MMP28: variants seen among roughly 807,000 people sequenced by gnomAD.
MMP28 encodes matrix metalloproteinase-28.
Under a neutral mutation model 60.5 loss-of-function variants are expected in MMP28, and 55 were observed. The ratio of observed to expected loss-of-function variants is 0.91; its 90% confidence interval spans 0.73 to 1.14. The LOEUF (loss-of-function observed/expected upper bound fraction) is 1.14, where lower values mean the gene tolerates loss of function less well. Ranked by LOEUF, MMP28 falls within the 50% of genes most tolerant of loss-of-function variation. The pLI is 0.00. For synonymous variants in MMP28, 318 were observed against 312.5 expected, an observed-to-expected ratio of 1.02 and a Z score of -0.18; for missense variants, 686 against 738.3, an observed-to-expected ratio of 0.93 and a Z score of 0.82.
chr17:35,769,064 C>T (rs1555604534), intron 5 of MMP28, among the ~76,000 whole-genome samples: 1 of 152,174 alleles, frequency 6.6e-6, no homozygotes, highest in Non-Finnish European at 1.5e-5. Context: ...CATCACTATC[C>T]TTCACTTATG....
intron 1 of MMP28, among the ~76,000 whole-genome samples, chr17:35,786,420 A>T (rs1555610505): frequency 6.6e-6 from 1 of 152,128 alleles, no homozygotes; most frequent in African/African-American, 2.4e-5. Flanking sequence ...TGAAATTAAG[A>T]ATTTAAAAAT....
chr17:35,763,897 A>AAAT, downstream of MMP28: 5 of 653,688 alleles, frequency 7.6e-6, no homozygotes, highest in East Asian at 8.9e-5. Context: ...ACCCTGTCTC[A>AAAT]AAATAAATAA....
chr17:35,787,536 G>A (rs918568091), intron 1 of MMP28, among the ~76,000 whole-genome samples: 1 of 152,100 alleles, frequency 6.6e-6, no homozygotes, highest in Non-Finnish European at 1.5e-5. Flanking sequence ...TGTTGCCCAG[G>A]CTGGAGTGCA....
At chr17:35,763,579 C>A (rs188506441), downstream of MMP28, among the ~76,000 whole-genome samples, 14 of 151,466 alleles carry the variant, frequency 9.2e-5, no homozygotes, top group Non-Finnish European at 1.6e-4. Flanking sequence ...AGCCACCATG[C>A]CTGGACTTAA....
chr17:35,791,130 A>G (rs1472456793), intron 1 of MMP28, among the ~76,000 whole-genome samples: 1 of 151,692 alleles, frequency 6.6e-6, no homozygotes, highest in Non-Finnish European at 1.5e-5. Context: ...TTTAAAGTCC[A>G]ACTTATGGCC....
downstream of MMP28, among the ~76,000 whole-genome samples, chr17:35,761,742 T>C (rs2085824993): frequency 6.6e-6 from 1 of 152,182 alleles, no homozygotes; most frequent in South Asian, 2.1e-4. Context: ...TCTACAAGAA[T>C]GTTCAGCGGC....
chr17:35,765,893 G>T lies in MMP28; in HGVS notation c.*607C>A. On this transcript the variant is annotated 3_prime_UTR_variant, in exon 8 of 8. Coordinates refer to ENST00000605424, the MANE Select transcript of MMP28 (RefSeq NM_024302.5). ...CTGCCTCTCGGCCCACCAGCTGAAG[G>T]CACCTCTTTATTCCAGCCCCAGACA... 1 of 985,426 alleles carries T rather than the reference G, an allele frequency of 1.0e-6. No homozygotes were observed. The highest frequency in any genetic ancestry group is 1.2e-6 in the Non-Finnish European group (1 of 829,934). The allele number at this position is 985,426 out of a possible 1,614,324, so 61.0% of individuals were successfully genotyped here.
intron 4 of MMP28, 73 bp downstream of exon 4, chr17:35,773,107 T>C: frequency 7.1e-7 from 1 of 1,413,694 alleles, no homozygotes; most frequent in Non-Finnish European, 9.7e-7. Context: ...GAATGCTTCA[T>C]TGCCACCCCC....
Position 35,787,277 on chromosome 17 carries a change from G to A in MMP28, c.112-7954C>T, listed in dbSNP as rs191542765. ...GTCGTCTAACAGGCCAGAGGCATTC[G>A]ACAGGACTGAAGCATGTTCCTGCGT... On this transcript the variant is annotated intron_variant, in intron 1 of 7. Coordinates refer to ENST00000605424, the MANE Select transcript of MMP28 (RefSeq NM_024302.5). 2.2e-4 allele frequency among the ~76,000 whole-genome samples: 33 copies of A among 152,300 alleles called. No homozygotes were observed. The East Asian group carries it at 5.4e-3, about 25-fold the overall frequency.
chr17:35,764,351 C>T (rs1555602252), downstream of MMP28: 5 of 1,457,368 alleles, frequency 3.4e-6, no homozygotes, highest in South Asian at 5.7e-5. Flanking sequence ...TCGACCGGGG[C>T]ACGAGGGAGG....
intron 3 of MMP28, among the ~76,000 whole-genome samples, chr17:35,774,371 A>G (rs117940183): frequency 0.98 from 149,463 of 152,256 alleles, 73,362 homozygotes; most frequent in East Asian, 1. Context: ...TGGGCCAAGG[A>G]TGTGGTAACT....
chr17:35,757,311 T>G (rs929546986), intron 2 of MMP28: 18 of 152,046 alleles, frequency 1.2e-4, no homozygotes, highest in African/African-American at 3.4e-4. Context: ...TTGCCATAAG[T>G]TGGTTTAGGA....
intron 1 of MMP28, among the ~76,000 whole-genome samples, chr17:35,781,983 T>C (rs1231146764): frequency 1.3e-5 from 2 of 151,920 alleles, no homozygotes; most frequent in African/African-American, 2.4e-5. Context: ...GTGACCCTCC[T>C]ATAGCCTCTT....
Position 35,766,122 on chromosome 17 carries a change from TC to T in MMP28, c.*377del, listed in dbSNP as rs1387432839. The T allele has an allele frequency of 9.8e-7, 1 of 1,017,722 alleles. No homozygotes were observed. Among genetic ancestry groups the T allele is most frequent in the African/African-American group, 1.7e-5 (1 of 58,398 alleles). The allele number at this position is 1,017,722 out of a possible 1,614,324, so 63.0% of individuals were successfully genotyped here. On this transcript the variant is annotated 3_prime_UTR_variant, in exon 8 of 8. Transcript: ENST00000605424. This position sits in a 1 kb window ranked among gnomAD's most constrained non-coding sequence, Gnocchi z 4.3. The stretch of plus-strand genomic sequence containing the variant: ...AGAAGGGCACAGTCTTGCAAAATGG[TC>T]TCGAATTTCTCTGCTGAGTTTTTCA...
intron 3 of MMP28, 92 bp downstream of exon 3, chr17:35,778,796 A>G: frequency 6.2e-7 from 1 of 1,608,510 alleles, no homozygotes; most frequent in Non-Finnish European, 8.5e-7. Context: ...GAGGTTACTG[A>G]CAAAGTCCAG....
At chr17:35,789,767 T>TC (rs1396338171) in intron 1 of MMP28, among the ~76,000 whole-genome samples, 8 of 137,456 alleles carry the variant, frequency 5.8e-5, no homozygotes, top group African/African-American at 2.0e-4. Context: ...AACATTTAAT[T>TC]TTTTTTTTTT....
chr17:35,765,160 A>T (rs1283460217), downstream of MMP28: 1 of 152,276 alleles, frequency 6.6e-6, no homozygotes, highest in Non-Finnish European at 1.5e-5. Context: ...GTGGGCAGGG[A>T]GCCTCTTCCC....
chr17:35,766,862 G>T lies in MMP28; in HGVS notation c.1201C>A (p.Pro401Thr), dbSNP rs780170095. The T allele has an allele frequency of 1.4e-5, 22 of 1,580,824 alleles. No homozygotes were observed. Among genetic ancestry groups the T allele is most frequent in the Non-Finnish European group, 1.6e-5 (19 of 1,164,342 alleles). The part of the protein sequence containing the change: ...GRCWRFRGPK[P>T]VWGLPQLCRA... ...CACAGCTGTGGGAGACCCCACACTG[G>T]CTTGGGGCCCCGGAACCTCCAGCAT... The change falls in exon 8 of 8, where the codon CCA (proline) becomes ACA (threonine). Residue 401 changes from proline (P) to threonine (T), a missense_variant. Pro to Thr is a conservative substitution (Grantham distance 38, BLOSUM62 -1). Transcript: ENST00000605424. This position sits in a 1 kb window ranked among gnomAD's most constrained non-coding sequence, Gnocchi z 4.3.
At chr17:35,782,104 T>C (rs888205654) in intron 1 of MMP28, among the ~76,000 whole-genome samples, 1 of 150,460 alleles carries the variant, frequency 6.6e-6, no homozygotes, top group African/African-American at 2.5e-5. Flanking sequence ...CAGGCTGGTG[T>C]ACAGTGGCGT....
Sources: gnomAD v4.1 joint callset for allele counts (sites outside exome capture counted in the v4.1 genomes callset) on GRCh38, gnomAD v4.1.1 for gene constraint, Gnocchi (gnomAD v3.1) non-coding constraint, MANE v1.5 for transcripts, NCBI Gene and HGNC (gene_info 2026-07-23, HGNC 2026-07-21) for gene names.